APBB2: variants seen among roughly 807,000 people sequenced by gnomAD.
APBB2 encodes amyloid beta precursor protein binding family B member 2.
In APBB2, 38 loss-of-function variants were observed where a neutral mutation model predicts 82.5. The ratio of observed to expected loss-of-function variants is 0.46; its 90% CI spans 0.36 to 0.60. The LOEUF (loss-of-function observed/expected upper bound fraction) is 0.60, where lower values mean the gene tolerates loss of function less well. Among genes scored for constraint, APBB2 ranks in the 20% least tolerant of loss-of-function variants. APBB2 has a pLI of 0.00. For missense variants in APBB2, 772 were observed against 972.3 expected, an observed-to-expected ratio of 0.79 and a Z score of 2.74; for synonymous variants, 341 against 368.2, an observed-to-expected ratio of 0.93 and a Z score of 0.85.
Position 40,883,765 on chromosome 4 carries a change from C to A in APBB2, c.1529+6599G>T, listed in dbSNP as rs183168068. On this transcript the variant is annotated intron_variant, in intron 12 of 17. Coordinates refer to ENST00000508593, the MANE Select transcript of APBB2 (RefSeq NM_004307.2). ...CACAACGACTTTCTATATACAGCAG[C>A]TACAAAGATCGCCTCGTTCCATTCT... is the stretch of plus-strand genomic sequence containing the variant. Among the ~76,000 whole-genome samples, 4 of 151,600 alleles carry A rather than the reference C, an allele frequency of 2.6e-5. No individual in the cohort carries two copies. In the East Asian group the frequency reaches 7.7e-4, roughly 29 times the overall value.
At chr4:40,939,234 G>A (rs1329736162) in intron 7 of APBB2, among the ~76,000 whole-genome samples, 1 of 152,186 alleles carries the variant, frequency 6.6e-6, no homozygotes, top group Non-Finnish European at 1.5e-5. Context: ...CTGCTGGAAT[G>A]CTGGGGTTCA....
intron 1 of APBB2, among the ~76,000 whole-genome samples, chr4:41,202,922 A>G (rs1777050383): frequency 6.6e-6 from 1 of 152,230 alleles, no homozygotes; most frequent in Non-Finnish European, 1.5e-5. Context: ...TTAAATGTTA[A>G]GCAAAATTGT....
Position 41,080,465 on chromosome 4 carries a change from G to A in APBB2, c.-148-14792C>T, listed in dbSNP as rs193265198. 7.9e-5 allele frequency among the ~76,000 whole-genome samples: 12 copies of A among 152,232 alleles called. No individual in the cohort carries two copies. The East Asian group carries it at 1.7e-3, about 22-fold the overall frequency. ...CCCACTGTCTCTGAAAACTGAGGACGGCTTTCATGACAAAGAAGTAACCTT... is the reference window on the plus strand; with the variant it reads ...CCCACTGTCTCTGAAAACTGAGGACAGCTTTCATGACAAAGAAGTAACCTT... On this transcript the variant is annotated intron_variant, in intron 3 of 17. Coordinates refer to ENST00000508593, the MANE Select transcript of APBB2 (RefSeq NM_004307.2).
chr4:40,932,915 G>C (rs1351630404), intron 10 of APBB2, among the ~76,000 whole-genome samples: 4 of 152,230 alleles, frequency 2.6e-5, no homozygotes, highest in Admixed American at 6.5e-5. Context: ...CCAGGCTGGA[G>C]TGCAGTGGCG....
rs556120435 is a variant in APBB2 at position 40,909,472 on chromosome 4, T to C, written c.1255-16061A>G. The stretch of plus-strand genomic sequence containing the variant: ...AACAGCCAGGATTCTTGACGATTCT[T>C]CACTCATGCCAGAGACACGCCTCCG... On this transcript the variant is annotated intron_variant, in intron 10 of 17. Coordinates refer to ENST00000508593, the MANE Select transcript of APBB2 (RefSeq NM_004307.2). Among the ~76,000 whole-genome samples, 100 of 152,304 alleles carry C rather than the reference T, an allele frequency of 6.6e-4. 1 individual carries two copies. The highest frequency in any genetic ancestry group is 2.1e-3 in the African/African-American group (89 of 41,576).
At chr4:41,157,447 A>G (rs1198823750) in intron 1 of APBB2, among the ~76,000 whole-genome samples, 1 of 152,196 alleles carries the variant, frequency 6.6e-6, no homozygotes, top group African/African-American at 2.4e-5. Context: ...ATTCACCCCT[A>G]AATTTTTCAC....
intron 12 of APBB2, among the ~76,000 whole-genome samples, chr4:40,831,496 C>T (rs10938409): frequency 0.19 from 28,148 of 152,072 alleles, 2,743 homozygotes; most frequent in African/African-American, 0.23. Flanking sequence ...TTTCACAGAA[C>T]CCTTCTATCT....
intron 1 of APBB2, among the ~76,000 whole-genome samples, chr4:41,184,094 A>G (rs1455570634): frequency 6.6e-6 from 1 of 151,982 alleles, no homozygotes; most frequent in Non-Finnish European, 1.5e-5. Context: ...GCAGTTCACA[A>G]TAGGATTCGT....
intron 3 of APBB2, among the ~76,000 whole-genome samples, chr4:41,082,897 TCACTCCTGTAATCCTAG>T (rs1254160583): frequency 2.0e-5 from 3 of 152,274 alleles, no homozygotes; most frequent in African/African-American, 7.2e-5. Flanking sequence ...GCACGGTGGC[TCACTCCTGTAATCCTAG>T]CACCTTGGGA....
intron 7 of APBB2, among the ~76,000 whole-genome samples, chr4:40,936,233 G>A (rs1437989871): frequency 3.3e-5 from 5 of 152,252 alleles, no homozygotes; most frequent in Admixed American, 1.3e-4. Flanking sequence ...TGTCTTGTGC[G>A]TCGAAAGATG....
chr4:40,959,103 G>A (rs1012622032), intron 6 of APBB2, among the ~76,000 whole-genome samples: 2 of 152,184 alleles, frequency 1.3e-5, no homozygotes, highest in Admixed American at 6.5e-5. Context: ...CCTAACCACA[G>A]TATTCCAGAA....
chr4:40,850,753 A>C (rs1190203847), intron 12 of APBB2, among the ~76,000 whole-genome samples: 1 of 152,152 alleles, frequency 6.6e-6, no homozygotes, highest in Non-Finnish European at 1.5e-5. Flanking sequence ...GTCAGCATGG[A>C]CAACACAGTG....
intron 4 of APBB2, among the ~76,000 whole-genome samples, chr4:41,057,757 C>G (rs1728330999): frequency 1.3e-5 from 2 of 152,180 alleles, no homozygotes; most frequent in Non-Finnish European, 2.9e-5. Context: ...GCTTTGGTTT[C>G]AAAATGAGGC....
At position 41,014,279 on chromosome 4, in the gene APBB2, C is replaced by A; in HGVS notation, c.139G>T (p.Glu47Ter). Residue 47 changes from glutamate to a stop codon, truncating the protein, a stop_gained, in exon 6 of 18, where the codon GAA becomes TAA. Transcript: ENST00000508593. LOFTEE classifies it high-confidence loss of function. The stretch of plus-strand genomic sequence containing the variant: ...TGTTTTATTTCAGCGTTCAACAGTT[C>A]ATTGTGGGAGGATCGGAGGTTAAGG... The part of the protein sequence containing the change: ...NTLNLRSSHN[E>*]LLNAEIKHTE... 1.2e-6 allele frequency: 2 copies of A among 1,614,070 alleles called. No homozygotes were observed. Among genetic ancestry groups the A allele is most frequent in the South Asian group, 1.1e-5 (1 of 91,064 alleles).
At chr4:41,044,896 C>G (rs1209518378) in intron 4 of APBB2, among the ~76,000 whole-genome samples, 1 of 152,024 alleles carries the variant, frequency 6.6e-6, no homozygotes, top group African/African-American at 2.4e-5. Context: ...GAAAACTTGT[C>G]TTAAAATGTA....
intron 3 of APBB2, among the ~76,000 whole-genome samples, chr4:41,067,338 G>C (rs1732254328): frequency 6.6e-6 from 1 of 152,054 alleles, no homozygotes; most frequent in African/African-American, 2.4e-5. Context: ...GAACCTGGGA[G>C]GCGGAGGTTG....
chr4:40,981,938 C>A (rs1269294189), intron 6 of APBB2, among the ~76,000 whole-genome samples: 1 of 151,964 alleles, frequency 6.6e-6, no homozygotes, highest in African/African-American at 2.4e-5. Flanking sequence ...GTAATCCCAG[C>A]ACTTTGGGAG....
chr4:41,146,342 A>C (rs997947812), intron 1 of APBB2, among the ~76,000 whole-genome samples: 78 of 150,220 alleles, frequency 5.2e-4, no homozygotes, highest in Middle Eastern at 3.4e-3. Context: ...AAAAAAAAAA[A>C]AAAAAACCCG....
At chr4:41,163,071 T>C (rs1394168828) in intron 1 of APBB2, among the ~76,000 whole-genome samples, 2 of 152,180 alleles carry the variant, frequency 1.3e-5, no homozygotes, top group African/African-American at 4.8e-5. Context: ...ATTTCCAGGA[T>C]AAGGTAAGAC....
Sources: gnomAD v4.1 joint callset for allele counts (sites outside exome capture counted in the v4.1 genomes callset) on GRCh38, gnomAD v4.1.1 for gene constraint, MANE v1.5 for transcripts, NCBI Gene and HGNC (gene_info 2026-07-23, HGNC 2026-07-21) for gene names.